The following MOV10 variants were observed in gnomAD, a reference collection of about 807,000 sequenced individuals.
MOV10 encodes the protein RNA helicase MOV-10.
MOV10 carries 39 observed loss-of-function variants against 108.4 expected under a neutral mutation model. The ratio of observed to expected loss-of-function variants is 0.36; its 90% CI spans 0.28 to 0.47. MOV10 has a LOEUF of 0.47. MOV10 is among the 20% of genes least tolerant of loss of function. The probability of loss-of-function intolerance (pLI) is 1.00; values close to 1 mark genes in which losing one functional copy is unlikely to be tolerated. For synonymous variants in MOV10, 490 were observed against 523.1 expected, an observed-to-expected ratio of 0.94 and a Z score of 0.86; for missense variants, 952 against 1,297.6, an observed-to-expected ratio of 0.73 and a Z score of 4.09.
chr1:112,675,867 A>G lies in MOV10; in HGVS notation c.137+818A>G, dbSNP rs865996323. On this transcript the variant is annotated intron_variant, in intron 2 of 20. Transcript: ENST00000369645. The surrounding 1 kb of genome is among the most constrained non-coding windows in gnomAD (Gnocchi z 4.7). ...CAAGGGTAAACGTAAAGACTTGTAC[A>G]AATAAACATAAGGTAGTGGGAATCT... 6.6e-6 allele frequency among the ~76,000 whole-genome samples: 1 copy of G among 152,230 alleles called. No homozygotes were observed. The highest frequency in any genetic ancestry group is 2.1e-4 in the South Asian group (1 of 4,834).
intron 16 of MOV10, 111 bp from the exon 17 acceptor site, chr1:112,698,604 C>G (rs1377367414): frequency 2.1e-6 from 3 of 1,442,964 alleles, no homozygotes; most frequent in Non-Finnish European, 2.9e-6. Context: ...CAGAAGAGCA[C>G]CAAGGTCAGC....
chr1:112,694,002 T>A lies in MOV10; in HGVS notation c.1141-16T>A. 1 of 1,613,610 alleles carries A rather than the reference T, an allele frequency of 6.2e-7. No individual in the cohort carries two copies. The highest frequency in any genetic ancestry group is 8.5e-7 in the Non-Finnish European group (1 of 1,179,754). ...CATCCCTGGGACAGAAGCTTGCTTG[T>A]GTTCACACCCCATAGGTTCCTGGAG... On this transcript the variant is annotated splice_polypyrimidine_tract_variant and intron_variant, in intron 7 of 20. Coordinates refer to ENST00000369645, the MANE Select transcript of MOV10 (RefSeq NM_001321324.2). This position sits in a 1 kb window ranked among gnomAD's most constrained non-coding sequence, Gnocchi z 4.1.
At chr1:112,683,000 A>T (rs2101290189) in intron 2 of MOV10, among the ~76,000 whole-genome samples, 1 of 151,062 alleles carries the variant, frequency 6.6e-6, no homozygotes, top group South Asian at 2.1e-4. Flanking sequence ...GCTCACTGCA[A>T]CCTGCACCTC....
Position 112,689,893 on chromosome 1 carries a change from C to G in MOV10, c.631C>G (p.Pro211Ala). ...TAAGACCAGCTTTGTGGGCTACTTC[C>G]CAGCCACAGTGCTCTGGGAGCTGCT... Reference protein sequence around the residue: ...HCKTSFVGYFPATVLWELLGP... With the variant: ...HCKTSFVGYFAATVLWELLGP... Residue 211 changes from proline to alanine, a missense_variant, in exon 5 of 21, where the codon CCA (proline) becomes GCA (alanine). By Grantham distance (27) the Pro-to-Ala change is conservative. This residue lies in a region of MOV10 where 374 missense variants were observed against 468.6 expected (regional missense o/e 0.80). Coordinates refer to ENST00000369645, the MANE Select transcript of MOV10 (RefSeq NM_001321324.2). 6.2e-7 allele frequency: 1 copy of G among 1,614,212 alleles called. No homozygotes were observed.
At chr1:112,683,983 C>T (rs1443697718) in intron 2 of MOV10, among the ~76,000 whole-genome samples, 2 of 152,058 alleles carry the variant, frequency 1.3e-5, no homozygotes, top group Non-Finnish European at 2.9e-5. Context: ...CAGGGTCTTG[C>T]TCTGTTGCCC....
rs777233250 is a variant in MOV10 at position 112,698,298 on chromosome 1, C to G, written c.2328C>G (p.Ile776Met). 6 of 1,613,702 alleles carry G rather than the reference C, an allele frequency of 3.7e-6. No homozygotes were observed. Among genetic ancestry groups the G allele is most frequent in the Non-Finnish European group, 5.1e-6 (6 of 1,179,710 alleles). The change falls in exon 16 of 21, where the codon ATC becomes ATG. Residue 776 changes from isoleucine (I) to methionine (M), a missense_variant. Physicochemically the swap from Ile to Met is conservative, Grantham distance 10 (BLOSUM62 1). This residue lies in a region of MOV10 where 453 missense variants were observed against 611.5 expected (regional missense o/e 0.74). Transcript: ENST00000369645. Reference protein sequence around the residue: ...WAGLPRQGFPIIFHGVMGKDE... With the variant: ...WAGLPRQGFPMIFHGVMGKDE... ...GACCCCATGTCCAGGGCTTTCCCAT[C>G]ATCTTTCACGGCGTAATGGGCAAAG... is the stretch of plus-strand genomic sequence containing the variant.
chr1:112,680,634 C>T (rs1445785979), intron 2 of MOV10, among the ~76,000 whole-genome samples: 14 of 113,824 alleles, frequency 1.2e-4, no homozygotes, highest in African/African-American at 3.4e-4. Flanking sequence ...CCAGCCTGGG[C>T]GACAGAGTGA....
intron 2 of MOV10, among the ~76,000 whole-genome samples, chr1:112,685,610 G>A (rs1425508339): frequency 6.7e-6 from 1 of 150,248 alleles, no homozygotes; most frequent in Non-Finnish European, 1.5e-5. Flanking sequence ...AGCCAAGATC[G>A]TGCCACTGCC....
In MOV10 at chr1:112,694,579, T is replaced by C. The variant is rs777186012; in HGVS notation, c.1422T>C (p.Phe474=). 2.0e-5 allele frequency: 33 copies of C among 1,613,218 alleles called. No individual in the cohort carries two copies. The African/African-American group carries it at 2.9e-4, about 14-fold the overall frequency. Residue 474 remains phenylalanine, a synonymous_variant, in exon 9 of 21, where the codon TTT becomes TTC. Coordinates refer to ENST00000369645, the MANE Select transcript of MOV10 (RefSeq NM_001321324.2). This position sits in a 1 kb window ranked among gnomAD's most constrained non-coding sequence, Gnocchi z 4.1. ...TGRWLLWPML[F]PVAPRDVPLL... ...GCTGGCTGCTGTGGCCCATGCTCTT[T>C]CCTGTGGCACCTCGGGACGTCCCGC...
intron 3 of MOV10, 21 bp from the exon 4 acceptor site, chr1:112,689,394 C>CAG: frequency 1.5e-5 from 23 of 1,498,984 alleles, no homozygotes; most frequent in Non-Finnish European, 2.0e-5. Context: ...CCAACCCCCC[C>CAG]TTGACTCCCC....
At chr1:112,693,194 G>A (rs1451129728) in intron 7 of MOV10, among the ~76,000 whole-genome samples, 1 of 152,218 alleles carries the variant, frequency 6.6e-6, no homozygotes, top group Admixed American at 6.5e-5. Flanking sequence ...TATCTGAAAA[G>A]CACAGAGCTG....
rs1282202045 is a variant in MOV10, at chr1:112,675,167, C to G, written c.137+118C>G. 4 of 1,228,060 alleles carry G rather than the reference C, an allele frequency of 3.3e-6. No individual in the cohort carries two copies. In the Admixed American group the frequency reaches 1.4e-4, roughly 44 times the overall value. The allele number at this position is 1,228,060 out of a possible 1,614,324, so 76.1% of individuals were successfully genotyped here. ...GAGGGACGCAGCTCCCCCAGCGGCT[C>G]AGGCCAGTCCCGGGGCGGCGCAGAC... On this transcript the variant is annotated intron_variant, in intron 2 of 20. Transcript: ENST00000369645. The surrounding 1 kb of genome is among the most constrained non-coding windows in gnomAD (Gnocchi z 4.7).
chr1:112,684,261 G>GTTT, intron 2 of MOV10, among the ~76,000 whole-genome samples: 1 of 134,638 alleles, frequency 7.4e-6, no homozygotes, highest in Non-Finnish European at 1.6e-5. Flanking sequence ...CAGTCCCTGG[G>GTTT]ATTTTTTTTT....
chr1:112,684,590 C>A (rs918810317), intron 2 of MOV10, among the ~76,000 whole-genome samples: 3 of 152,108 alleles, frequency 2.0e-5, no homozygotes, highest in Non-Finnish European at 2.9e-5. Flanking sequence ...TTAAAGGATA[C>A]CTGTATTTTA....
chr1:112,696,097 T>A (rs768062935), intron 11 of MOV10, 51 bp from the exon 12 acceptor site: 1 of 1,246,344 alleles, frequency 8.0e-7, no homozygotes, highest in Non-Finnish European at 1.2e-6. Flanking sequence ...AGAATCACGG[T>A]GGGAATGAGT....
chr1:112,677,903 C>G (rs1672320478), intron 2 of MOV10, among the ~76,000 whole-genome samples: 1 of 152,092 alleles, frequency 6.6e-6, no homozygotes, highest in African/African-American at 2.4e-5. Flanking sequence ...CTTTTCCCAC[C>G]TACCTTTATT....
chr1:112,680,349 G>A (rs944701095), intron 2 of MOV10, among the ~76,000 whole-genome samples: 1 of 151,318 alleles, frequency 6.6e-6, no homozygotes, highest in Non-Finnish European at 1.5e-5. Context: ...TTAGATACTT[G>A]TTTAAATGTT....
intron 11 of MOV10, 150 bp downstream of exon 11, chr1:112,695,724 T>A: frequency 1.8e-6 from 1 of 560,630 alleles, no homozygotes; most frequent in Non-Finnish European, 2.8e-6. Flanking sequence ...CCTCAGTTTG[T>A]CTGTAAGTGA....
chr1:112,699,379 T>TA, intron 17 of MOV10: 1 of 940,078 alleles, frequency 1.1e-6, no homozygotes, highest in African/African-American at 1.7e-5. Context: ...AACAGATACT[T>TA]AGTGATTGTT....
Sources: gnomAD v4.1 joint callset for allele counts (sites outside exome capture counted in the v4.1 genomes callset) on GRCh38, gnomAD v4.1.1 for gene constraint, gnomAD v4.1.1 regional missense constraint, Gnocchi (gnomAD v3.1) non-coding constraint, MANE v1.5 for transcripts, NCBI Gene and HGNC (gene_info 2026-07-23, HGNC 2026-07-21) for gene names.